PDE8A: variants seen among roughly 807,000 people sequenced by gnomAD.
PDE8A encodes the protein high affinity cAMP-specific and IBMX-insensitive 3',5'-cyclic phosphodiesterase 8A.
Under a neutral mutation model 105.0 loss-of-function variants are expected in PDE8A, and 59 were observed. The ratio of observed to expected loss-of-function variants is 0.56; its 90% CI spans 0.46 to 0.70. The LOEUF (loss-of-function observed/expected upper bound fraction) is 0.70. Among genes scored for constraint, PDE8A ranks in the 30% least tolerant of loss-of-function variants. The probability of loss-of-function intolerance (pLI) is 0.00; values close to 1 mark genes in which losing one functional copy is unlikely to be tolerated. For missense variants in PDE8A, 1,014 were observed against 1,045.9 expected (o/e 0.97, Z 0.42); for synonymous variants, 355 against 371.9 (o/e 0.95, Z 0.52).
chr15:84,982,080 G>A lies in PDE8A; in HGVS notation c.-83G>A. 5.5e-6 allele frequency: 5 copies of A among 902,606 alleles called. No individual in the cohort carries two copies. Among genetic ancestry groups the A allele is most frequent in the Admixed American group, 4.6e-5 (1 of 21,692 alleles). The allele number at this position is 902,606 out of a possible 1,614,324, so 55.9% of individuals were successfully genotyped here. On this transcript the variant is annotated 5_prime_UTR_variant, in exon 1 of 22. Transcript: ENST00000394553. ...CCCAGGCGGCGATGACACGGCGCCC[G>A]CGGCGGCCCGGAGGCGCCGGGTGGG...
At chr15:85,135,949 G>T (rs2082402458) in intron 20 of PDE8A, among the ~76,000 whole-genome samples, 2 of 152,046 alleles carry the variant, frequency 1.3e-5, no homozygotes, top group African/African-American at 4.8e-5. Flanking sequence ...CAGCCACTAG[G>T]CCCTTCCTTG....
chr15:84,987,226 AT>A (rs977326570), intron 1 of PDE8A, among the ~76,000 whole-genome samples: 8 of 152,126 alleles, frequency 5.3e-5, no homozygotes, highest in African/African-American at 1.7e-4. Context: ...AATACTTTGC[AT>A]TTATAGCATA....
chr15:85,085,557 G>T (rs968221466), intron 6 of PDE8A, among the ~76,000 whole-genome samples: 2 of 151,692 alleles, frequency 1.3e-5, no homozygotes. Flanking sequence ...AATTAGCCGG[G>T]CATGGTGGTG....
chr15:85,118,380 C>A (rs1366716253), intron 17 of PDE8A, among the ~76,000 whole-genome samples: 1 of 152,134 alleles, frequency 6.6e-6, no homozygotes, highest in African/African-American at 2.4e-5. Flanking sequence ...CTGACCTTGC[C>A]TCCTGTCACA....
chr15:85,115,919 CAAA>C (rs35865189), intron 15 of PDE8A, 62 bp from the exon 16 acceptor site: 952 of 1,182,180 alleles, frequency 8.1e-4, no homozygotes, highest in East Asian at 1.6e-3. Flanking sequence ...GATTCCGTCT[CAAA>C]AAAAAAAAAA....
At chr15:85,064,731 A>T (rs1165388250) in intron 2 of PDE8A, among the ~76,000 whole-genome samples, 7 of 152,178 alleles carry the variant, frequency 4.6e-5, no homozygotes, top group Non-Finnish European at 1.0e-4. Flanking sequence ...AGGCAGTAGG[A>T]TCTCTTGAGC....
At chr15:85,042,972 C>T (rs141902819) in intron 1 of PDE8A, among the ~76,000 whole-genome samples, 1 of 152,294 alleles carries the variant, frequency 6.6e-6, no homozygotes, top group African/African-American at 2.4e-5. Flanking sequence ...TCATTGTAAT[C>T]TCCTTAAATC....
chr15:85,071,466 T>C (rs1160025086), intron 3 of PDE8A, among the ~76,000 whole-genome samples: 1 of 152,216 alleles, frequency 6.6e-6, no homozygotes, highest in Non-Finnish European at 1.5e-5. Flanking sequence ...CTACTATGTT[T>C]TAAGAAGGGA....
chr15:84,991,392 C>T (rs1319806003), intron 1 of PDE8A, among the ~76,000 whole-genome samples: 2 of 152,166 alleles, frequency 1.3e-5, no homozygotes, highest in African/African-American at 4.8e-5. Context: ...GGTTTTCAAC[C>T]TCATTGGGGA....
chr15:85,118,674 C>G (rs1453556482), intron 17 of PDE8A, among the ~76,000 whole-genome samples: 1 of 152,252 alleles, frequency 6.6e-6, no homozygotes, highest in Non-Finnish European at 1.5e-5. Context: ...GTCCCAGTCA[C>G]AGGCCACTTT....
At chr15:84,992,802 A>G (rs2079906903) in intron 1 of PDE8A, among the ~76,000 whole-genome samples, 1 of 152,182 alleles carries the variant, frequency 6.6e-6, no homozygotes, top group South Asian at 2.1e-4. Flanking sequence ...AACATGCCAC[A>G]ATTTGTACAG....
At chr15:85,078,118 A>G (rs2081405513) in intron 5 of PDE8A, among the ~76,000 whole-genome samples, 1 of 150,960 alleles carries the variant, frequency 6.6e-6, no homozygotes. Context: ...AGTAAATTTT[A>G]AAAGAGGACA....
intron 1 of PDE8A, among the ~76,000 whole-genome samples, chr15:85,039,216 A>G (rs1173763275): frequency 3.9e-5 from 6 of 152,092 alleles, no homozygotes; most frequent in Non-Finnish European, 8.8e-5. Flanking sequence ...GCTTGAGCTC[A>G]GGAGTTCCAG....
chr15:85,109,031 G>A (rs1394550333), intron 11 of PDE8A, 22 bp from the exon 12 acceptor site: 2 of 1,523,846 alleles, frequency 1.3e-6, no homozygotes, highest in East Asian at 2.3e-5. Flanking sequence ...TTGAAGAGGT[G>A]ATTTATCATT....
intron 14 of PDE8A, among the ~76,000 whole-genome samples, chr15:85,114,981 G>T (rs1392245191): frequency 6.6e-6 from 1 of 152,094 alleles, no homozygotes; most frequent in African/African-American, 2.4e-5. Context: ...GGGGAATGAG[G>T]TCACTTATGA....
At chr15:85,038,454 A>G (rs2080746252) in intron 1 of PDE8A, among the ~76,000 whole-genome samples, 3 of 152,210 alleles carry the variant, frequency 2.0e-5, no homozygotes, top group Admixed American at 1.3e-4. Context: ...TATCTGGTTA[A>G]GAAATCTTTG....
rs368363577 is a variant in PDE8A at position 85,027,050 on chromosome 15, T to C, written c.187-37320T>C. On this transcript the variant is annotated intron_variant, in intron 1 of 21. Coordinates refer to ENST00000394553, the MANE Select transcript of PDE8A (RefSeq NM_002605.3). ...AATAGGTTACTATTGTGTGGTTCTTTGTTATAAAGATGAGAACCTAAGGAA... is the reference window on the plus strand; with the variant it reads ...AATAGGTTACTATTGTGTGGTTCTTCGTTATAAAGATGAGAACCTAAGGAA... 5.3e-5 allele frequency among the ~76,000 whole-genome samples: 8 copies of C among 152,334 alleles called. No individual in the cohort carries two copies. In the East Asian group the frequency reaches 1.5e-3, roughly 29 times the overall value.
chr15:85,100,033 G>A lies in PDE8A; in HGVS notation c.960G>A (p.Val320=), dbSNP rs2081833023. The A allele has an allele frequency of 6.2e-7, 1 of 1,613,064 alleles. No homozygotes were observed. Among genetic ancestry groups the A allele is most frequent in the Admixed American group, 1.7e-5 (1 of 59,840 alleles). Residue 320 remains valine (V), a synonymous_variant, in exon 10 of 22, where the codon GTG becomes GTA. Transcript: ENST00000394553. ...CTTGCAGAAAAATTAGACACTATGTGTCCATTATCAGAGTGTGCAATGGCA... is the reference window on the plus strand; with the variant it reads ...CTTGCAGAAAAATTAGACACTATGTATCCATTATCAGAGTGTGCAATGGCA... ...IGQGGKIRHY[V]SIIRVCNGNN...
intron 1 of PDE8A, among the ~76,000 whole-genome samples, chr15:84,984,647 A>G (rs1358514210): frequency 6.6e-6 from 1 of 152,246 alleles, no homozygotes; most frequent in African/African-American, 2.4e-5. Flanking sequence ...TTTTTAGGTT[A>G]AGCAGTATGT....
Sources: gnomAD v4.1 joint callset for allele counts (sites outside exome capture counted in the v4.1 genomes callset) on GRCh38, gnomAD v4.1.1 for gene constraint, MANE v1.5 for transcripts, NCBI Gene and HGNC (gene_info 2026-07-23, HGNC 2026-07-21) for gene names.